Variants in PTPRD observed in about 807,000 individuals in gnomAD.
The protein encoded by PTPRD is protein tyrosine phosphatase receptor type D.
In PTPRD, 34 loss-of-function variants were observed where a neutral mutation model predicts 214.5. The observed-to-expected ratio is 0.16, with a 90% CI of 0.12 to 0.21. PTPRD has a LOEUF of 0.21. Among genes scored for constraint, PTPRD ranks in the 10% least tolerant of loss-of-function variants. The pLI, the probability that PTPRD is intolerant of heterozygous loss-of-function variation, is 1.00. For synonymous variants in PTPRD, 1,128 were observed against 845.7 expected, an observed-to-expected ratio of 1.33 and a Z score of -5.79; for missense variants, 2,545 against 2,398.7, an observed-to-expected ratio of 1.06 and a Z score of -1.27.
chr9:9,080,088 T>C (rs759319035), intron 10 of PTPRD, among the ~76,000 whole-genome samples: 7 of 152,068 alleles, frequency 4.6e-5, no homozygotes, highest in Admixed American at 6.6e-5. Flanking sequence ...TCATAACCCA[T>C]AGTTATTGTC....
intron 8 of PTPRD, among the ~76,000 whole-genome samples, chr9:9,498,299 T>C (rs2096274398): frequency 6.6e-6 from 1 of 152,138 alleles, no homozygotes; most frequent in Non-Finnish European, 1.5e-5. Flanking sequence ...GTATGAATGT[T>C]GACATAAATG....
chr9:8,501,786 G>A (rs899072074), intron 23 of PTPRD, among the ~76,000 whole-genome samples: 1 of 152,162 alleles, frequency 6.6e-6, no homozygotes, highest in African/African-American at 2.4e-5. Context: ...TGTCAGGATT[G>A]TTGATTCTGA....
chr9:8,481,168 A>T lies in PTPRD; in HGVS notation c.3413+2951T>A, dbSNP rs551543279. ...AAAAAAAAAAAAAAAAAAAAAAAATAAGAGTAGACAAATGTGAAGACTTTA... is the reference window on the plus strand; with the variant it reads ...AAAAAAAAAAAAAAAAAAAAAAAATTAGAGTAGACAAATGTGAAGACTTTA... On this transcript the variant is annotated intron_variant, in intron 30 of 45. Coordinates refer to ENST00000381196, the MANE Select transcript of PTPRD (RefSeq NM_002839.4). 2.7e-4 allele frequency among the ~76,000 whole-genome samples: 40 copies of T among 145,786 alleles called. No individual in the cohort carries two copies. In the East Asian group the frequency reaches 8.2e-3, roughly 30 times the overall value.
At chr9:9,671,353 C>A (rs2096828964) in intron 7 of PTPRD, among the ~76,000 whole-genome samples, 1 of 152,118 alleles carries the variant, frequency 6.6e-6, no homozygotes, top group African/African-American at 2.4e-5. Context: ...AACTAGCTTG[C>A]TTTGGATTTT....
At chr9:8,654,589 A>T (rs1237324659) in intron 12 of PTPRD, among the ~76,000 whole-genome samples, 2 of 152,334 alleles carry the variant, frequency 1.3e-5, no homozygotes, top group East Asian at 3.9e-4. Context: ...TATACATGTA[A>T]GCCAGTGTAA....
chr9:8,665,240 A>G (rs960458721), intron 12 of PTPRD, among the ~76,000 whole-genome samples: 3 of 152,172 alleles, frequency 2.0e-5, no homozygotes, highest in African/African-American at 7.2e-5. Flanking sequence ...TAAGCTAGCC[A>G]TTGTGTCCCC....
At chr9:9,194,973 G>C (rs1423143195) in intron 9 of PTPRD, among the ~76,000 whole-genome samples, 7 of 149,318 alleles carry the variant, frequency 4.7e-5, no homozygotes, top group Non-Finnish European at 1.0e-4. Context: ...TCAAGGACCA[G>C]TTGAACCCTA....
At chr9:8,917,279 C>G (rs898130316) in intron 11 of PTPRD, among the ~76,000 whole-genome samples, 5 of 140,218 alleles carry the variant, frequency 3.6e-5, no homozygotes, top group Non-Finnish European at 6.1e-5. Flanking sequence ...CAGGTGCCCA[C>G]CACCAGCCCA....
At chr9:9,928,630 A>T (rs1481150449) in intron 5 of PTPRD, among the ~76,000 whole-genome samples, 1 of 152,124 alleles carries the variant, frequency 6.6e-6, no homozygotes, top group Admixed American at 6.5e-5. Context: ...TGTTATTAGA[A>T]TATTAACTAA....
At chr9:10,494,513 A>C (rs932813868) in intron 2 of PTPRD, among the ~76,000 whole-genome samples, 1 of 151,682 alleles carries the variant, frequency 6.6e-6, no homozygotes, top group Non-Finnish European at 1.5e-5. Context: ...TTGAGTTTCA[A>C]GAGGTCAGAT....
intron 8 of PTPRD, among the ~76,000 whole-genome samples, chr9:9,503,334 C>T (rs1392623875): frequency 6.6e-6 from 1 of 151,058 alleles, no homozygotes; most frequent in East Asian, 1.9e-4. Context: ...CACAGCACAT[C>T]ATTTAGATGA....
intron 9 of PTPRD, among the ~76,000 whole-genome samples, chr9:9,309,295 G>A (rs1051132965): frequency 2.0e-5 from 3 of 150,648 alleles, no homozygotes; most frequent in African/African-American, 7.3e-5. Context: ...AAAAGGTATA[G>A]ATGAACAGTC....
intron 10 of PTPRD, among the ~76,000 whole-genome samples, chr9:9,163,415 G>C (rs1299006355): frequency 6.6e-6 from 1 of 150,972 alleles, no homozygotes; most frequent in Non-Finnish European, 1.5e-5. Context: ...ATCTACCCAG[G>C]ACACCTCTCA....
chr9:10,420,493 G>A (rs1359252752), intron 2 of PTPRD, among the ~76,000 whole-genome samples: 1 of 151,778 alleles, frequency 6.6e-6, no homozygotes, highest in Non-Finnish European at 1.5e-5. Flanking sequence ...ATAATCTCTT[G>A]CTGAGCAATT....
chr9:9,914,883 C>T (rs1251508878), intron 5 of PTPRD, among the ~76,000 whole-genome samples: 1 of 152,102 alleles, frequency 6.6e-6, no homozygotes, highest in Admixed American at 6.6e-5. Flanking sequence ...CACAGGCTGC[C>T]CTTGGAAGAC....
At chr9:8,955,354 A>T (rs1242045235) in intron 11 of PTPRD, among the ~76,000 whole-genome samples, 1 of 151,766 alleles carries the variant, frequency 6.6e-6, no homozygotes, top group Admixed American at 6.6e-5. Flanking sequence ...GGATAGATAG[A>T]GATAGTCCTA....
intron 14 of PTPRD, among the ~76,000 whole-genome samples, chr9:8,610,848 C>T (rs1045478543): frequency 6.6e-6 from 1 of 152,178 alleles, no homozygotes; most frequent in Non-Finnish European, 1.5e-5. Context: ...AGGACGTGAT[C>T]TGGTTTAGAT....
At chr9:8,782,740 GGC>G (rs1185841745) in intron 11 of PTPRD, among the ~76,000 whole-genome samples, 6 of 151,998 alleles carry the variant, frequency 3.9e-5, no homozygotes, top group African/African-American at 7.2e-5. Context: ...TGGGATTACA[GGC>G]GCACACCACC....
At chr9:8,323,431 A>T (rs1188755407) in intron 44 of PTPRD, among the ~76,000 whole-genome samples, 4 of 152,232 alleles carry the variant, frequency 2.6e-5, no homozygotes, top group Admixed American at 6.5e-5. Context: ...AAGTAAATTG[A>T]AAATTTACTG....
Sources: allele counts gnomAD v4.1 joint callset (sites outside exome capture counted in the v4.1 genomes callset), GRCh38; gene constraint gnomAD v4.1.1; transcripts MANE v1.5; gene names NCBI Gene and HGNC (gene_info 2026-07-23, HGNC 2026-07-21).